IL1RAPL2: variants seen among roughly 807,000 people sequenced by gnomAD.
IL1RAPL2 encodes the protein X-linked interleukin-1 receptor accessory protein-like 2.
A neutral mutation model predicts 44.1 loss-of-function variants in IL1RAPL2; 3 were observed. The observed-to-expected ratio is 0.07, with a 90% CI of 0.03 to 0.18. IL1RAPL2 has a LOEUF of 0.18. Ranked by LOEUF, IL1RAPL2 falls within the 10% of genes least tolerant of loss-of-function variation. The pLI is 1.00. For synonymous variants in IL1RAPL2, 181 were observed against 178.8 expected, an observed-to-expected ratio of 1.01 and a Z score of -0.10; for missense variants, 391 against 496.4, an observed-to-expected ratio of 0.79 and a Z score of 2.02.
At chrX:105,247,603 ATGTGTG>A (rs10588244) in intron 4 of IL1RAPL2, among the ~76,000 whole-genome samples, 968 of 95,026 alleles carry the variant, frequency 0.01, 8 homozygotes, top group African/African-American at 0.022. Flanking sequence ...ATATATATAT[ATGTGTG>A]TGTGTGTGTG....
intron 2 of IL1RAPL2, among the ~76,000 whole-genome samples, chrX:105,116,752 G>A (rs776312260): frequency 2.3e-4 from 26 of 112,276 alleles, no homozygotes; most frequent in Admixed American, 1.7e-3. Flanking sequence ...TTCCCATATG[G>A]AACTAATTTT....
At chrX:104,991,221 T>C (rs959945420) in intron 2 of IL1RAPL2, among the ~76,000 whole-genome samples, 4 of 111,659 alleles carry the variant, frequency 3.6e-5, no homozygotes, top group Non-Finnish European at 7.5e-5. Flanking sequence ...ATGTACAAGA[T>C]AGTAATACAT....
chrX:105,381,339 T>C (rs892805558), intron 5 of IL1RAPL2, among the ~76,000 whole-genome samples: 6 of 111,939 alleles, frequency 5.4e-5, no homozygotes, highest in Admixed American at 4.8e-4. Flanking sequence ...GACAGCTTCT[T>C]TCTGCCATTC....
At chrX:105,525,876 G>T (rs928338217) in intron 6 of IL1RAPL2, among the ~76,000 whole-genome samples, 1 of 111,589 alleles carries the variant, frequency 9.0e-6, no homozygotes, top group Non-Finnish European at 1.9e-5. Context: ...CATACAAGTT[G>T]CCCCTGTCCC....
chrX:105,612,190 T>C (rs1388511364), intron 6 of IL1RAPL2, among the ~76,000 whole-genome samples: 1 of 111,717 alleles, frequency 9.0e-6, no homozygotes, highest in Non-Finnish European at 1.9e-5. Flanking sequence ...CTCTGCAGCC[T>C]CAACCACCCA....
chrX:104,631,910 C>T (rs369889293), intron 1 of IL1RAPL2, among the ~76,000 whole-genome samples: 2 of 109,901 alleles, frequency 1.8e-5, no homozygotes, highest in South Asian at 4.0e-4. Flanking sequence ...ACATGAAGTC[C>T]TTGCCCATGC....
At chrX:105,383,900 A>G (rs2035456303) in intron 5 of IL1RAPL2, among the ~76,000 whole-genome samples, 1 of 111,703 alleles carries the variant, frequency 9.0e-6, no homozygotes, top group Admixed American at 9.5e-5. Flanking sequence ...GGCCATTTAT[A>G]TGTCTTCTTT....
At chrX:104,936,548 G>C (rs1925030868) in intron 2 of IL1RAPL2, among the ~76,000 whole-genome samples, 1 of 109,044 alleles carries the variant, frequency 9.2e-6, no homozygotes, top group Admixed American at 9.9e-5. Context: ...ATCTATAGAA[G>C]CAAAAATATT....
At chrX:104,631,945 G>A (rs1282128054) in intron 1 of IL1RAPL2, among the ~76,000 whole-genome samples, 7 of 110,097 alleles carry the variant, frequency 6.4e-5, no homozygotes, top group Non-Finnish European at 3.8e-5. Context: ...GTATTGCCTA[G>A]GTTTTCTTCT....
chrX:105,291,437 T>A (rs2034611510), intron 5 of IL1RAPL2, among the ~76,000 whole-genome samples: 1 of 111,879 alleles, frequency 8.9e-6, no homozygotes, highest in African/African-American at 3.2e-5. Flanking sequence ...ACAAAAGTCA[T>A]CAGGAATATG....
chrX:104,949,975 G>A (rs1925524147), intron 2 of IL1RAPL2, among the ~76,000 whole-genome samples: 1 of 110,883 alleles, frequency 9.0e-6, no homozygotes, highest in African/African-American at 3.3e-5. Flanking sequence ...GGGTATCCTT[G>A]TTGACTTTCT....
chrX:105,197,669 A>G (rs1216356361), intron 3 of IL1RAPL2, among the ~76,000 whole-genome samples: 3 of 111,706 alleles, frequency 2.7e-5, no homozygotes, highest in Non-Finnish European at 5.6e-5. Flanking sequence ...TCATTGTTTT[A>G]TAAAATGAAA....
intron 5 of IL1RAPL2, among the ~76,000 whole-genome samples, chrX:105,342,152 A>C (rs993003474): frequency 7.7e-5 from 5 of 64,728 alleles, no homozygotes; most frequent in African/African-American, 3.1e-4. Context: ...CACACTGGGG[A>C]CTGTTGTGGG....
At chrX:105,328,448 T>A (rs1281346202) in intron 5 of IL1RAPL2, among the ~76,000 whole-genome samples, 1 of 111,848 alleles carries the variant, frequency 8.9e-6, no homozygotes, top group Non-Finnish European at 1.9e-5. Context: ...TTAAGTAGAT[T>A]GTATTAAGTA....
At chrX:104,708,409 C>A (rs371797725) in intron 2 of IL1RAPL2, among the ~76,000 whole-genome samples, 1 of 110,754 alleles carries the variant, frequency 9.0e-6, no homozygotes, top group Non-Finnish European at 1.9e-5. Context: ...CTAATATTTG[C>A]GCTAGGCCCT....
intron 2 of IL1RAPL2, among the ~76,000 whole-genome samples, chrX:104,978,123 T>C (rs1490797812): frequency 8.9e-6 from 1 of 112,191 alleles, no homozygotes; most frequent in African/African-American, 3.2e-5. Context: ...AAGGTACCAA[T>C]TGAAATGTGC....
intron 2 of IL1RAPL2, among the ~76,000 whole-genome samples, chrX:104,810,624 G>A (rs778534155): frequency 3.6e-5 from 4 of 111,075 alleles, no homozygotes; most frequent in Admixed American, 9.6e-5. Flanking sequence ...GATGATATGC[G>A]TAACAAAAAA....
At chrX:105,542,695 AT>A (rs2036750614) in intron 6 of IL1RAPL2, among the ~76,000 whole-genome samples, 1 of 69,814 alleles carries the variant, frequency 1.4e-5, no homozygotes, top group Non-Finnish European at 3.0e-5. Flanking sequence ...TATATTTTTT[AT>A]TTATTTATTT....
chrX:105,561,513 A>C (rs1172640762), intron 6 of IL1RAPL2, among the ~76,000 whole-genome samples: 2 of 112,058 alleles, frequency 1.8e-5, no homozygotes, highest in Non-Finnish European at 3.8e-5. Flanking sequence ...GGCTCTAAAT[A>C]AGTCACAGCT....
Sources: allele counts gnomAD v4.1 joint callset (sites outside exome capture counted in the v4.1 genomes callset), GRCh38; gene constraint gnomAD v4.1.1; transcripts MANE v1.5; gene names NCBI Gene and HGNC (gene_info 2026-07-23, HGNC 2026-07-21).